Variants in ANKRD44 observed in about 807,000 individuals in gnomAD.
The protein encoded by ANKRD44 is ankyrin repeat domain 44.
In ANKRD44, 35 loss-of-function variants were observed where a neutral mutation model predicts 116.0. The observed-to-expected ratio is 0.30, with a 90% CI of 0.23 to 0.40. The LOEUF (loss-of-function observed/expected upper bound fraction) is 0.40, where lower values mean the gene tolerates loss of function less well. ANKRD44 is among the 10% of genes least tolerant of loss of function. ANKRD44 has a pLI of 1.00. For missense variants in ANKRD44, 1,014 were observed against 1,242.6 expected (o/e 0.82, Z 2.77); for synonymous variants, 435 against 461.8 (o/e 0.94, Z 0.74).
rs747158305 is a variant in ANKRD44, at chr2:197,007,929, CAG to C, written c.2013-8_2013-7del. ...CTGCAAGCATCAGTGGTGTTCTAGG[CAG>C]AGAGATAAAGCAGGCTTTTAAAAAG... On this transcript the variant is annotated splice_region_variant and splice_polypyrimidine_tract_variant and intron_variant, in intron 19 of 27. Coordinates refer to ENST00000282272, the MANE Select transcript of ANKRD44 (RefSeq NM_001195144.2). 2 of 1,598,382 alleles carry C rather than the reference CAG, an allele frequency of 1.3e-6. No homozygotes were observed. Among genetic ancestry groups the C allele is most frequent in the East Asian group, 2.2e-5 (1 of 44,776 alleles).
chr2:197,108,633 G>C (rs1455510314), intron 9 of ANKRD44, among the ~76,000 whole-genome samples: 2 of 152,164 alleles, frequency 1.3e-5, no homozygotes, highest in Admixed American at 1.3e-4. Flanking sequence ...GAGGCCAGGA[G>C]TTGAGACCAG....
At chr2:197,245,451 G>C (rs767824144) in intron 1 of ANKRD44, among the ~76,000 whole-genome samples, 4 of 152,054 alleles carry the variant, frequency 2.6e-5, no homozygotes, top group Non-Finnish European at 5.9e-5. Context: ...ATCTACAATA[G>C]TCCTGGAACC....
chr2:197,094,206 T>C (rs2078109386), intron 10 of ANKRD44, among the ~76,000 whole-genome samples: 2 of 152,218 alleles, frequency 1.3e-5, no homozygotes, highest in South Asian at 4.1e-4. Context: ...GGGTAAAGAA[T>C]ACATGATTAA....
At chr2:197,061,780 T>G in intron 16 of ANKRD44, among the ~76,000 whole-genome samples, 1 of 93,642 alleles carries the variant, frequency 1.1e-5, no homozygotes, top group Non-Finnish European at 2.3e-5. Flanking sequence ...GTAATATCCA[T>G]GCCTTTTTTT....
intron 3 of ANKRD44, among the ~76,000 whole-genome samples, chr2:197,142,969 A>C: frequency 6.6e-6 from 1 of 151,158 alleles, no homozygotes; most frequent in East Asian, 1.9e-4. Context: ...GCAAGACCCC[A>C]TCTTAAAAAA....
intron 1 of ANKRD44, among the ~76,000 whole-genome samples, chr2:197,285,832 T>C (rs1487710755): frequency 1.3e-5 from 2 of 152,186 alleles, no homozygotes; most frequent in South Asian, 4.1e-4. Flanking sequence ...GGTCAGATTC[T>C]GAAAAAAAAG....
rs200966871 is a variant in ANKRD44, at chr2:197,073,982, A to G, written c.1650+4721T>C. Among the ~76,000 whole-genome samples the G allele has an allele frequency of 6.6e-5, 10 of 151,974 alleles. No individual in the cohort carries two copies. The East Asian group carries it at 1.5e-3, about 24-fold the overall frequency. ...CCCCCAAAATTTTTTCTGCCACATT[A>G]CAAAAAAAATGGAACATCTTATCAT... On this transcript the variant is annotated intron_variant, in intron 16 of 27. Coordinates refer to ENST00000282272, the MANE Select transcript of ANKRD44 (RefSeq NM_001195144.2).
chr2:197,121,055 A>T (rs2078842601), intron 8 of ANKRD44, among the ~76,000 whole-genome samples: 1 of 151,538 alleles, frequency 6.6e-6, no homozygotes, highest in African/African-American at 2.4e-5. Context: ...CAGCCTCCCG[A>T]GTAGCTGAGA....
intron 1 of ANKRD44, among the ~76,000 whole-genome samples, chr2:197,273,568 C>T (rs2082959083): frequency 6.6e-6 from 1 of 152,078 alleles, no homozygotes; most frequent in South Asian, 2.1e-4. Flanking sequence ...TTTCAATAGG[C>T]CACTGAGAGC....
chr2:196,970,323 A>G (rs1375567576), intron 21 of ANKRD44, among the ~76,000 whole-genome samples: 1 of 152,208 alleles, frequency 6.6e-6, no homozygotes, highest in African/African-American at 2.4e-5. Flanking sequence ...TAACGGATCT[A>G]GTCTCAGAAC....
At chr2:197,179,260 AAG>A (rs2080445714) in intron 2 of ANKRD44, among the ~76,000 whole-genome samples, 2 of 152,120 alleles carry the variant, frequency 1.3e-5, no homozygotes, top group Non-Finnish European at 2.9e-5. Flanking sequence ...TTTCTTTTTC[AAG>A]AGTTTCCTAG....
rs1246954672 is a variant in ANKRD44, at chr2:197,310,595, G to A, written c.10C>T (p.Leu4Phe). Residue 4 changes from leucine (L) to phenylalanine (F), a missense_variant, in exon 1 of 28, where the codon CTC becomes TTC. Coordinates refer to ENST00000282272, the MANE Select transcript of ANKRD44 (RefSeq NM_001195144.2). Reference protein sequence around the residue: MAVLKLTDQPPLVQ... With the variant: MAVFKLTDQPPLVQ... ...CCCGCTACCTGGTCGGTGAGTTTGA[G>A]CACTGCCATTCTTCCGCTCCTTCGC... 1.1e-5 allele frequency: 15 copies of A among 1,313,684 alleles called. No individual in the cohort carries two copies. The highest frequency in any genetic ancestry group is 1.4e-5 in the Non-Finnish European group (14 of 1,006,584). 81.4% of individuals were successfully genotyped at this position (1,313,684 alleles called of 1,614,324 possible). A position where few individuals can be genotyped will look rare whatever the true frequency, so the allele number is the denominator to read the frequency against.
intron 1 of ANKRD44, among the ~76,000 whole-genome samples, chr2:197,194,720 C>T (rs1042726527): frequency 3.0e-4 from 45 of 152,022 alleles, no homozygotes; most frequent in African/African-American, 1.0e-3. Context: ...CAAATAGTGG[C>T]CAAATGCATA....
chr2:197,051,201 T>C (rs1375021153), intron 16 of ANKRD44, among the ~76,000 whole-genome samples: 1 of 152,068 alleles, frequency 6.6e-6, no homozygotes, highest in Non-Finnish European at 1.5e-5. Flanking sequence ...GCTCAAGGGA[T>C]CTGCCTGCCT....
At chr2:197,105,820 C>T (rs2078412311) in intron 9 of ANKRD44, among the ~76,000 whole-genome samples, 1 of 152,130 alleles carries the variant, frequency 6.6e-6, no homozygotes, top group African/African-American at 2.4e-5. Flanking sequence ...TGCACGTATC[C>T]ATATCAGAGC....
chr2:197,186,399 C>T (rs2080660417), intron 2 of ANKRD44, among the ~76,000 whole-genome samples: 1 of 152,020 alleles, frequency 6.6e-6, no homozygotes, highest in African/African-American at 2.4e-5. Context: ...ACTCAAAATA[C>T]TGATTATGCT....
At chr2:197,071,257 C>T (rs1224736557) in intron 16 of ANKRD44, among the ~76,000 whole-genome samples, 1 of 152,110 alleles carries the variant, frequency 6.6e-6, no homozygotes, top group Non-Finnish European at 1.5e-5. Flanking sequence ...GTTTAATTTG[C>T]TCTCTCCAGA....
In ANKRD44 at chr2:197,250,226, T is replaced by G. The variant is rs537358772; in HGVS notation, c.27+60352A>C. 9.5e-4 allele frequency among the ~76,000 whole-genome samples: 145 copies of G among 152,284 alleles called. 1 individual carries two copies. Among genetic ancestry groups the G allele is most frequent in the Middle Eastern group, 3.4e-3 (1 of 294 alleles). On this transcript the variant is annotated intron_variant, in intron 1 of 27. Coordinates refer to ENST00000282272, the MANE Select transcript of ANKRD44 (RefSeq NM_001195144.2). ...TTGTTGGCAGCCATCTCCTTGTGATTGCAAGATAGCTGCAGTAACAACACA... is the reference window on the plus strand; with the variant it reads ...TTGTTGGCAGCCATCTCCTTGTGATGGCAAGATAGCTGCAGTAACAACACA...
Position 197,007,842 on chromosome 2 carries a change from A to G in ANKRD44, c.2094T>C (p.Thr698=), listed in dbSNP as rs2076227214. 6.2e-7 allele frequency: 1 copy of G among 1,613,802 alleles called. No individual in the cohort carries two copies. Among genetic ancestry groups the G allele is most frequent in the Non-Finnish European group, 8.5e-7 (1 of 1,179,836 alleles). The change falls in exon 20 of 28, where the codon ACT becomes ACC. Residue 698 remains threonine, a synonymous_variant. Transcript: ENST00000282272. The part of the protein sequence containing the change: ...LLLEKEANVD[T]VDILGCTALH... The stretch of plus-strand genomic sequence containing the variant: ...AAGCTGTGCATCCTAGGATGTCAAC[A>G]GTGTCTACGTTGGCTTCCTTTTCAA...
Sources: gnomAD v4.1 joint callset for allele counts (sites outside exome capture counted in the v4.1 genomes callset) on GRCh38, gnomAD v4.1.1 for gene constraint, MANE v1.5 for transcripts, NCBI Gene and HGNC (gene_info 2026-07-23, HGNC 2026-07-21) for gene names.